The following TTN variants were observed in gnomAD, a reference collection of about 807,000 sequenced individuals.
TTN encodes connectin.
TTN carries 1,525 observed loss-of-function variants against 3,223.0 expected under a neutral mutation model. The ratio of observed to expected loss-of-function variants is 0.47; its 90% CI spans 0.45 to 0.49. TTN has a LOEUF of 0.49. Among genes scored for constraint, TTN ranks in the 20% least tolerant of loss-of-function variants. The pLI, the probability that TTN is intolerant of heterozygous loss-of-function variation, is 0.00. For missense variants in TTN, 40,786 were observed against 43,424.0 expected, an observed-to-expected ratio of 0.94 and a Z score of 5.40; for synonymous variants, 14,094 against 15,161.0, an observed-to-expected ratio of 0.93 and a Z score of 5.17.
In TTN at chr2:178,744,677, A is replaced by C. The variant is rs573258282; in HGVS notation, c.11312-2756T>G. 116 of 971,282 alleles carry C rather than the reference A, an allele frequency of 1.2e-4. No individual in the cohort carries two copies. The South Asian group carries it at 4.9e-3, about 41-fold the overall frequency. 60.2% of individuals were successfully genotyped at this position (971,282 alleles called of 1,614,324 possible). On this transcript the variant is annotated intron_variant, in intron 47 of 362. Coordinates refer to ENST00000589042, the MANE Select transcript of TTN (RefSeq NM_001267550.2). ...CAAATTACCATATTGTCTCAATTCT[A>C]AAAATATCCCACCTTTTTTTAAATT...
Position 178,557,960 on chromosome 2 carries a change from T to C in TTN, c.87394A>G (p.Ile29132Val), listed in dbSNP as rs748373640. The C allele has an allele frequency of 3.7e-6, 6 of 1,613,278 alleles. No homozygotes were observed. In the African/African-American group the frequency reaches 8.0e-5, roughly 22 times the overall value. Residue 29132 changes from isoleucine (I) to valine (V), a missense_variant, in exon 328 of 363, where the codon ATT (isoleucine) becomes GTT (valine). Coordinates refer to ENST00000589042, the MANE Select transcript of TTN (RefSeq NM_001267550.2). ...SSGTTKAFIN[I>V]VVLDRPGPPT... is the part of the protein sequence containing the mutation. ...GGACCAGGCCTGTCTAGCACAACAA[T>C]GTTAATGAAAGCTTTGGTTGTACCA... is the stretch of plus-strand genomic sequence containing the variant.
intron 297 of TTN, 31 bp downstream of exon 297, chr2:178,593,930 A>G (rs959963953): frequency 6.2e-6 from 10 of 1,609,478 alleles, no homozygotes; most frequent in African/African-American, 1.3e-5. Context: ...AAAGAACAGA[A>G]GATCTATTCT....
Position 178,678,188 on chromosome 2 carries a change from G to A in TTN, c.33931C>T (p.Leu11311Phe), listed in dbSNP as rs398124446. Residue 11311 changes from leucine to phenylalanine, a missense_variant, in exon 145 of 363, where the codon CTC (leucine) becomes TTC (phenylalanine). Coordinates refer to ENST00000589042, the MANE Select transcript of TTN (RefSeq NM_001267550.2). ...GTTGGTTTCTTTTCTTCTGGGATGA[G>A]CTTCTTGGGCACCTCTGGCACTTTA... ...PAKVPEVPKKLIPEEKKPTPV... is the reference protein window; with the variant it reads ...PAKVPEVPKKFIPEEKKPTPV... The A allele has an allele frequency of 6.2e-6, 10 of 1,610,590 alleles. No individual in the cohort carries two copies. In the Admixed American group the frequency reaches 1.7e-4, roughly 27 times the overall value.
At chr2:178,688,351 C>T in intron 126 of TTN, 127 bp from the exon 127 acceptor site, 1 of 843,516 alleles carries the variant, frequency 1.2e-6, no homozygotes, top group Non-Finnish European at 1.9e-6. Context: ...GGTACTTCCT[C>T]ACTATAAGAA....
chr2:178,652,151 T>C lies in TTN; in HGVS notation c.39240A>G (p.Pro13080=). The part of the protein sequence containing the change: ...KVPEVPKVAV[P]EKKVPEAIPP... ...GAATAGCTTCAGGCACCTTCTTTTCTGGGACAGCTACCTTTGGCACCTCTG... is the reference window on the plus strand; with the variant it reads ...GAATAGCTTCAGGCACCTTCTTTTCCGGGACAGCTACCTTTGGCACCTCTG... The change falls in exon 204 of 363, where the codon CCA becomes CCG. Residue 13080 remains proline (P), a synonymous_variant. Transcript: ENST00000589042. The C allele has an allele frequency of 1.2e-6, 2 of 1,612,304 alleles. No homozygotes were observed. The highest frequency in any genetic ancestry group is 1.7e-6 in the Non-Finnish European group (2 of 1,179,626).
chr2:178,692,677 C>G, intron 119 of TTN, 97 bp from the exon 120 acceptor site: 1 of 835,424 alleles, frequency 1.2e-6, no homozygotes, highest in Non-Finnish European at 1.8e-6. Flanking sequence ...CTTTTTATAC[C>G]AACTGAATGC....
Position 178,602,540 on chromosome 2 carries a change from T to A in TTN, c.54862A>T (p.Ser18288Cys). ...GGAGGTTTCCATCCTAGTGAGATGC[T>A]TGACTTCGTTTTATCTTTAACTTCT... ...CPEVKDKTKSSISLGWKPPAK... is the reference protein window; with the variant it reads ...CPEVKDKTKSCISLGWKPPAK... Residue 18288 changes from serine (S) to cysteine (C), a missense_variant, in exon 283 of 363, where the codon AGC becomes TGC. By Grantham distance (112) the Ser-to-Cys change is moderately radical. Coordinates refer to ENST00000589042, the MANE Select transcript of TTN (RefSeq NM_001267550.2). 1 of 1,592,592 alleles carries A rather than the reference T, an allele frequency of 6.3e-7. No homozygotes were observed. The highest frequency in any genetic ancestry group is 8.6e-7 in the Non-Finnish European group (1 of 1,168,800).
intron 242 of TTN, 49 bp downstream of exon 242, chr2:178,624,416 G>C (rs1163223452): frequency 1.9e-6 from 3 of 1,605,122 alleles, no homozygotes; most frequent in Admixed American, 3.4e-5. Flanking sequence ...TGTTGTTGTA[G>C]TTATTAAAGA....
intron 111 of TTN, among the ~76,000 whole-genome samples, chr2:178,700,091 CCAGT>C (rs1217998824): frequency 2.4e-4 from 36 of 152,238 alleles, no homozygotes; most frequent in African/African-American, 8.4e-4. Flanking sequence ...GTTGATACTA[CCAGT>C]CAAAGAACAA....
chr2:178,538,747 T>G lies in TTN; in HGVS notation c.99082A>C (p.Lys33028Gln). The part of the protein sequence containing the change: ...QWEKPECDGG[K>Q]EILGYWVEYR... Reference sequence around the variant, plus strand: ...TCAACCCAGTATCCAAGAATTTCTTTACCACCATCACATTCAGGTTTCTCC... The same window carrying G: ...TCAACCCAGTATCCAAGAATTTCTTGACCACCATCACATTCAGGTTTCTCC... The change falls in exon 354 of 363, where the codon AAA (lysine) becomes CAA (glutamine). Residue 33028 changes from lysine (K) to glutamine (Q), a missense_variant. Physicochemically the swap from Lys to Gln is moderately conservative, Grantham distance 53. Coordinates refer to ENST00000589042, the MANE Select transcript of TTN (RefSeq NM_001267550.2). 6.2e-7 allele frequency: 1 copy of G among 1,613,792 alleles called. No homozygotes were observed.
rs1708983044 is a variant in TTN at position 178,573,497 on chromosome 2, T to C, written c.72635A>G (p.Glu24212Gly). The C allele has an allele frequency of 2.0e-6, 3 of 1,500,734 alleles. No individual in the cohort carries two copies. The East Asian group carries it at 6.9e-5, about 35-fold the overall frequency. The allele number at this position is 1,500,734 out of a possible 1,614,324, so 93.0% of individuals were successfully genotyped here. A position where few individuals can be genotyped will look rare whatever the true frequency, so the allele number is the denominator to read the frequency against. The change falls in exon 326 of 363, where the codon GAG becomes GGG. Residue 24212 changes from glutamate (E) to glycine (G), a missense_variant. Physicochemically the swap from Glu to Gly is moderately conservative, Grantham distance 98. Transcript: ENST00000589042. The stretch of plus-strand genomic sequence containing the variant: ...ATAAGGATTCACTGCAAGCACAGGC[T>C]CTGATTCCAGTGGCTCTCCCACTCC... ...KYGVGEPLES[E>G]PVLAVNPYGP...
At position 178,569,704 on chromosome 2, in the gene TTN, T is replaced by C. The variant is rs777465940; in HGVS notation, c.76428A>G (p.Glu25476=). 4 of 1,612,976 alleles carry C rather than the reference T, an allele frequency of 2.5e-6. No individual in the cohort carries two copies. Among genetic ancestry groups the C allele is most frequent in the African/African-American group, 1.3e-5 (1 of 74,890 alleles). The part of the protein sequence containing the change: ...IEVEKLLEKH[E]YNFRICAINK... ...TAATAGCACAGATACGGAAGTTGTA[T>C]TCATGCTTTTCCAACAGCTTCTCTA... Residue 25476 remains glutamate, a synonymous_variant, in exon 326 of 363, where the codon GAA becomes GAG. Transcript: ENST00000589042.
rs1416788961 is a variant in TTN, at chr2:178,688,786, A to C, written c.32096-8T>G. ...TTTTCTTAGAGACTTCAGCTTTAAG[A>C]AAGTGTTAAAGTTGAAGTTTAAAAT... On this transcript the variant is annotated splice_polypyrimidine_tract_variant and splice_region_variant and intron_variant, in intron 125 of 362. Coordinates refer to ENST00000589042, the MANE Select transcript of TTN (RefSeq NM_001267550.2). The C allele has an allele frequency of 6.3e-7, 1 of 1,580,422 alleles. No homozygotes were observed. The highest frequency in any genetic ancestry group is 1.1e-5 in the South Asian group (1 of 89,348).
rs1417334213 is a variant in TTN, at chr2:178,619,625, C to T, written c.46692G>A (p.Leu15564=). Residue 15564 remains leucine, a synonymous_variant, in exon 250 of 363, where the codon CTG becomes CTA. Transcript: ENST00000589042. Reference sequence around the variant, plus strand: ...TTTTAAAATAAAGGGACTGACCTGCCAGTTCAAGCTTAGCTCTGGCTTCTT... The same window carrying T: ...TTTTAAAATAAAGGGACTGACCTGCTAGTTCAAGCTTAGCTCTGGCTTCTT... ...KDKEARAKLE[L]AAAPKIKTAD... is the part of the protein sequence containing the mutation. The T allele has an allele frequency of 1.9e-6, 3 of 1,611,238 alleles. No individual in the cohort carries two copies. The highest frequency in any genetic ancestry group is 2.7e-5 in the African/African-American group (2 of 74,736).
Position 178,594,576 on chromosome 2 carries a change from A to G in TTN, c.57918T>C (p.Asn19306=). 1 of 1,613,114 alleles carries G rather than the reference A, an allele frequency of 6.2e-7. No individual in the cohort carries two copies. The highest frequency in any genetic ancestry group is 1.1e-5 in the South Asian group (1 of 90,984). Residue 19306 remains asparagine (N), a synonymous_variant, in exon 296 of 363, where the codon AAT becomes AAC. Coordinates refer to ENST00000589042, the MANE Select transcript of TTN (RefSeq NM_001267550.2). Reference sequence around the variant, plus strand: ...CTGACCCACCATCATACTTAGGAGGATTCCAAGTCAAAGTTACAGTATTTT... The same window carrying G: ...CTGACCCACCATCATACTTAGGAGGGTTCCAAGTCAAAGTTACAGTATTTT... ...VTKNTVTLTW[N]PPKYDGGSEI...
chr2:178,716,802 C>G (rs1341217672), intron 88 of TTN, among the ~76,000 whole-genome samples: 2 of 152,160 alleles, frequency 1.3e-5, no homozygotes, highest in Non-Finnish European at 2.9e-5. Context: ...ATGATACCGT[C>G]TTTCAAACTA....
intron 49 of TTN, among the ~76,000 whole-genome samples, chr2:178,736,610 TC>T (rs2081485938): frequency 6.6e-6 from 1 of 152,190 alleles, no homozygotes; most frequent in Admixed American, 6.5e-5. Context: ...AGCAGCAACT[TC>T]CCCTTTCCAT....
chr2:178,635,089 A>C (rs2060266877), intron 228 of TTN, 76 bp downstream of exon 228: 1 of 1,572,866 alleles, frequency 6.4e-7, no homozygotes, highest in African/African-American at 1.4e-5. Flanking sequence ...AAGCAACCCG[A>C]ATCTAGGATA....
chr2:178,604,851 C>T lies in TTN; in HGVS notation c.54238G>A (p.Glu18080Lys), dbSNP rs756321267. The T allele has an allele frequency of 2.5e-6, 4 of 1,612,340 alleles. No individual in the cohort carries two copies. Among genetic ancestry groups the T allele is most frequent in the Non-Finnish European group, 3.4e-6 (4 of 1,179,004 alleles). The change falls in exon 281 of 363, where the codon GAA becomes AAA. Residue 18080 changes from glutamate (E) to lysine (K), a missense_variant. Coordinates refer to ENST00000589042, the MANE Select transcript of TTN (RefSeq NM_001267550.2). ...RNLAVTDIKA[E>K]SCYLTWDAPL... ...GCATCCCATGTCAAGTAGCAAGATT[C>T]AGCTTTAATGTCAGTAACAGCAAGA...
Sources: gnomAD v4.1 joint callset for allele counts (sites outside exome capture counted in the v4.1 genomes callset) on GRCh38, gnomAD v4.1.1 for gene constraint, MANE v1.5 for transcripts, NCBI Gene and HGNC (gene_info 2026-07-23, HGNC 2026-07-21) for gene names.